OR2C1: variants seen among roughly 807,000 people sequenced by gnomAD.
OR2C1 encodes olfactory receptor 2C1.
For missense variants in OR2C1, 468 were observed against 388.3 expected (o/e 1.21, Z -1.73); for synonymous variants, 209 against 167.3 (o/e 1.25, Z -1.92).
the OR2C1 span, among the ~76,000 whole-genome samples, chr16:3,329,538 T>C: frequency 1.7e-4 from 25 of 151,376 alleles, no homozygotes; most frequent in African/African-American, 6.1e-4. Context: ...CAAGCTCCGC[T>C]TCCCAGGTTC....
chr16:3,329,854 A>C, the OR2C1 span, among the ~76,000 whole-genome samples: 3 of 140,896 alleles, frequency 2.1e-5, no homozygotes, highest in African/African-American at 8.1e-5. Flanking sequence ...TCCCGGGTTC[A>C]AGTGATTCCC....
chr16:3,333,283 T>G, the OR2C1 span, among the ~76,000 whole-genome samples: 1 of 148,394 alleles, frequency 6.7e-6, no homozygotes, highest in Non-Finnish European at 1.5e-5. Context: ...ATATTATTGG[T>G]TTTTAGTTTC....
At chr16:3,344,523 C>A in the OR2C1 span, among the ~76,000 whole-genome samples, 2 of 151,974 alleles carry the variant, frequency 1.3e-5, no homozygotes, top group Non-Finnish European at 2.9e-5. Flanking sequence ...GTCAGGAGAT[C>A]GAGACCATCC....
chr16:3,350,815 A>G, the OR2C1 span, among the ~76,000 whole-genome samples: 1 of 151,744 alleles, frequency 6.6e-6, no homozygotes, highest in Non-Finnish European at 1.5e-5. Flanking sequence ...CAAACAAACA[A>G]AAGCCCTTTT....
chr16:3,324,951 CTT>C, the OR2C1 span, among the ~76,000 whole-genome samples: 1 of 151,882 alleles, frequency 6.6e-6, no homozygotes, highest in Non-Finnish European at 1.5e-5. Flanking sequence ...GTACTGTAGT[CTT>C]TTTTATTTTT....
At chr16:3,329,169 G>GACACACAC in the OR2C1 span, among the ~76,000 whole-genome samples, 14,311 of 114,956 alleles carry the variant, frequency 0.12, 1,232 homozygotes, top group African/African-American at 0.19. Flanking sequence ...TGGGAGGGAA[G>GACACACAC]ACACACACAC....
chr16:3,355,798 A>G, upstream of OR2C1: 1 of 636,368 alleles, frequency 1.6e-6, no homozygotes, highest in Non-Finnish European at 2.7e-6. Flanking sequence ...CAAACAAAAA[A>G]TAGGTTGTTA....
At chr16:3,355,230 AG>A, upstream of OR2C1, among the ~76,000 whole-genome samples, 1 of 151,934 alleles carries the variant, frequency 6.6e-6, no homozygotes, top group East Asian at 1.9e-4. Flanking sequence ...TGAGAGGCTG[AG>A]GCTGGCATAT....
the OR2C1 span, among the ~76,000 whole-genome samples, chr16:3,343,403 T>C: frequency 6.6e-6 from 1 of 152,190 alleles, no homozygotes; most frequent in African/African-American, 2.4e-5. Context: ...CTCTGTATTA[T>C]TTCTTACAAC....
In OR2C1 at chr16:3,356,042, C is replaced by T; in HGVS notation, c.102C>T (p.Ser34=). The part of the protein sequence containing the change: ...EMIFFIAILF[S]YLLTLLGNST... Reference sequence around the variant, plus strand: ...TCTTTTTTATAGCCATCCTCTTCTCCTATTTGCTGACCCTACTTGGGAACT... The same window carrying T: ...TCTTTTTTATAGCCATCCTCTTCTCTTATTTGCTGACCCTACTTGGGAACT... The change falls in exon 1 of 1, where the codon TCC becomes TCT. Residue 34 remains serine (S), a synonymous_variant. Coordinates refer to ENST00000304936, the MANE Select transcript of OR2C1 (RefSeq NM_012368.3). 1.2e-6 allele frequency: 2 copies of T among 1,614,124 alleles called. No homozygotes were observed. The highest frequency in any genetic ancestry group is 1.7e-6 in the Non-Finnish European group (2 of 1,179,990).
the OR2C1 span, among the ~76,000 whole-genome samples, chr16:3,325,746 A>T: frequency 6.6e-6 from 1 of 151,626 alleles, no homozygotes; most frequent in African/African-American, 2.4e-5. Flanking sequence ...ATATTTTTAA[A>T]TATTAAGATG....
chr16:3,341,297 A>G, the OR2C1 span, among the ~76,000 whole-genome samples: 1 of 152,044 alleles, frequency 6.6e-6, no homozygotes, highest in African/African-American at 2.4e-5. Flanking sequence ...TGTTGCTCTT[A>G]TATCCTGCAA....
At chr16:3,355,169 G>A (rs571802797), upstream of OR2C1, among the ~76,000 whole-genome samples, 25 of 151,946 alleles carry the variant, frequency 1.6e-4, no homozygotes, top group Non-Finnish European at 2.5e-4. Flanking sequence ...TACAACAGAA[G>A]TTTGAAATCT....
At chr16:3,345,542 G>GGATACACATACACATGGTATA in the OR2C1 span, among the ~76,000 whole-genome samples, 1 of 151,472 alleles carries the variant, frequency 6.6e-6, no homozygotes, top group South Asian at 2.1e-4. Context: ...TGTTTTACAA[G>GGATACACATACACATGGTATA]GATACACATA....
chr16:3,355,187 G>A (rs936254514), upstream of OR2C1, among the ~76,000 whole-genome samples: 2 of 151,910 alleles, frequency 1.3e-5, no homozygotes, highest in African/African-American at 2.4e-5. Context: ...TCTAGGCCAC[G>A]CACGGTGGCT....
the OR2C1 span, among the ~76,000 whole-genome samples, chr16:3,327,461 C>T: frequency 1.3e-5 from 2 of 152,014 alleles, 1 homozygote; most frequent in Non-Finnish European, 2.9e-5. Flanking sequence ...CCTTTCCCTT[C>T]CCCAGAGGGT....
chr16:3,357,078 CCTACTGTGGA>C lies in OR2C1; in HGVS notation c.*204_*213del. 1 of 562,424 alleles carries C rather than the reference CCTACTGTGGA, an allele frequency of 1.8e-6. No individual in the cohort carries two copies. Among genetic ancestry groups the C allele is most frequent in the South Asian group, 2.4e-5 (1 of 41,562 alleles). 34.8% of individuals were successfully genotyped at this position (562,424 alleles called of 1,614,324 possible). ...TGTTCTACACTTATTTACCAAAAAT[CCTACTGTGGA>C]CTACCGATAGCAGGGGAGACATGTT... On this transcript the variant is annotated 3_prime_UTR_variant, in exon 1 of 1. Transcript: ENST00000304936.
chr16:3,348,477 A>G, the OR2C1 span, among the ~76,000 whole-genome samples: 17 of 152,174 alleles, frequency 1.1e-4, no homozygotes, highest in Admixed American at 4.6e-4. Context: ...CCTCTATTGT[A>G]AAACAGGAAT....
At chr16:3,328,860 GC>G in the OR2C1 span, among the ~76,000 whole-genome samples, 1 of 152,132 alleles carries the variant, frequency 6.6e-6, no homozygotes, top group South Asian at 2.1e-4. Flanking sequence ...GTCTAAACTT[GC>G]CTGGTGGAGA....
Sources: gnomAD v4.1 joint callset for allele counts (sites outside exome capture counted in the v4.1 genomes callset) on GRCh38, gnomAD v4.1.1 for gene constraint, MANE v1.5 for transcripts, NCBI Gene and HGNC (gene_info 2026-07-23, HGNC 2026-07-21) for gene names.